The following MTMR3 variants were observed in gnomAD, a reference collection of about 807,000 sequenced individuals.
The protein encoded by MTMR3 is myotubularin related protein 3.
Under a neutral mutation model 132.4 loss-of-function variants are expected in MTMR3, and 32 were observed. That is an observed-to-expected ratio of 0.24 (90% CI 0.18 to 0.32). The LOEUF is 0.32. Ranked by LOEUF, MTMR3 falls within the 10% of genes least tolerant of loss-of-function variation. MTMR3 has a pLI of 1.00. For synonymous variants in MTMR3, 556 were observed against 550.3 expected (o/e 1.01, Z -0.14); for missense variants, 1,216 against 1,489.6 (o/e 0.82, Z 3.02).
At chr22:29,960,491 G>A (rs1233271646) in intron 2 of MTMR3, among the ~76,000 whole-genome samples, 1 of 152,198 alleles carries the variant, frequency 6.6e-6, no homozygotes, top group African/African-American at 2.4e-5. Context: ...AGGAGACAGT[G>A]TTGGAAACTG....
intron 2 of MTMR3, among the ~76,000 whole-genome samples, chr22:29,961,137 A>T (rs977611707): frequency 6.6e-6 from 1 of 150,814 alleles, no homozygotes; most frequent in African/African-American, 2.5e-5. Flanking sequence ...TTTTTTAAAT[A>T]GAAGAGTATG....
At chr22:29,926,138 G>A (rs1487278742) in intron 1 of MTMR3, among the ~76,000 whole-genome samples, 1 of 151,940 alleles carries the variant, frequency 6.6e-6, no homozygotes, top group Non-Finnish European at 1.5e-5. Flanking sequence ...AAATAGAACC[G>A]TACATGTGGC....
intron 1 of MTMR3, among the ~76,000 whole-genome samples, chr22:29,906,278 G>GTCTATCTATCTA (rs1473660646): frequency 1.0e-4 from 7 of 68,346 alleles, no homozygotes; most frequent in East Asian, 5.9e-4. Flanking sequence ...CTGTCTGTCT[G>GTCTATCTATCTA]TCTGTCTGTC....
intron 5 of MTMR3, chr22:29,987,654 T>C (rs2066884605): frequency 6.6e-6 from 1 of 152,232 alleles, no homozygotes; most frequent in Non-Finnish European, 1.5e-5. Context: ...TGGCACCCTG[T>C]CTAGATGCTT....
chr22:29,944,576 G>A (rs1022212355), intron 1 of MTMR3, among the ~76,000 whole-genome samples: 1 of 152,162 alleles, frequency 6.6e-6, no homozygotes, highest in Non-Finnish European at 1.5e-5. Context: ...TTATCCTCAG[G>A]ACATATGTAG....
intron 1 of MTMR3, among the ~76,000 whole-genome samples, chr22:29,930,258 T>A (rs1352750664): frequency 6.6e-6 from 1 of 152,218 alleles, no homozygotes; most frequent in Non-Finnish European, 1.5e-5. Flanking sequence ...GAATTCCAGG[T>A]ACCCTTTGGC....
At chr22:29,995,741 C>G (rs148578691) in intron 7 of MTMR3, 82 of 152,254 alleles carry the variant, frequency 5.4e-4, no homozygotes, top group African/African-American at 1.9e-3. Context: ...CCTGAGAATT[C>G]TGAGATGGAG....
chr22:29,892,429 G>A (rs763558668), intron 1 of MTMR3, among the ~76,000 whole-genome samples: 3 of 152,186 alleles, frequency 2.0e-5, no homozygotes, highest in East Asian at 1.9e-4. Flanking sequence ...TAGAGACTGA[G>A]TGAAGGTATG....
intron 1 of MTMR3, among the ~76,000 whole-genome samples, chr22:29,890,094 G>T (rs1224151881): frequency 2.0e-5 from 3 of 151,564 alleles, no homozygotes; most frequent in African/African-American, 7.3e-5. Flanking sequence ...TTTTAGTAGA[G>T]ACAGGGTTTC....
intron 1 of MTMR3, among the ~76,000 whole-genome samples, chr22:29,945,860 A>T (rs1478686688): frequency 6.6e-6 from 1 of 152,206 alleles, no homozygotes; most frequent in Non-Finnish European, 1.5e-5. Context: ...AAGCAGTCCC[A>T]ACTTGTTTAA....
chr22:29,928,203 G>A lies in MTMR3; in HGVS notation c.-137-28833G>A, dbSNP rs1157838135. 1.2e-4 allele frequency among the ~76,000 whole-genome samples: 14 copies of A among 113,236 alleles called. No homozygotes were observed. In the Admixed American group the frequency reaches 1.3e-3, roughly 11 times the overall value. The allele number at this position is 113,236 out of a possible 152,430, so 74.3% of individuals were successfully genotyped here. ...TTTTTTTTTTTTTAGACAAAGTCTT[G>A]CTCTTGTCCCCCAGGCTGGAGTACG... On this transcript the variant is annotated intron_variant, in intron 1 of 19. Coordinates refer to ENST00000401950, the MANE Select transcript of MTMR3 (RefSeq NM_021090.4).
chr22:30,023,057 T>A (rs2067806604), intron 19 of MTMR3: 1 of 391,008 alleles, frequency 2.6e-6, no homozygotes, highest in African/African-American at 2.0e-5. Context: ...GGGAGGGAAC[T>A]ATTTTCCTAT....
At chr22:29,959,441 C>G (rs182960173) in intron 2 of MTMR3, among the ~76,000 whole-genome samples, 1 of 152,042 alleles carries the variant, frequency 6.6e-6, no homozygotes, top group Non-Finnish European at 1.5e-5. Flanking sequence ...TGTGGTGGCG[C>G]GACCTCAGCT....
rs534075237 is a variant in MTMR3 at position 30,019,789 on chromosome 22, A to C, written c.2130A>C (p.Ala710=). The C allele has an allele frequency of 2.5e-6, 4 of 1,614,228 alleles. No homozygotes were observed. In the South Asian group the frequency reaches 4.4e-5, roughly 18 times the overall value. ...ESGVEEPAHR[A]GIEIQEGKED... is the part of the protein sequence containing the mutation. ...GAGTAGAGGAACCTGCCCACAGGGC[A>C]GGCATTGAGATACAGGAGGGTAAAG... The change falls in exon 17 of 20, where the codon GCA becomes GCC. Residue 710 remains alanine (A), a synonymous_variant. Transcript: ENST00000401950.
At chr22:30,013,225 AC>A in intron 13 of MTMR3, 130 bp from the exon 14 acceptor site, 1 of 830,030 alleles carries the variant, frequency 1.2e-6, no homozygotes, top group East Asian at 2.7e-5. Context: ...AGAGCCTTCC[AC>A]CAAAGGGCAA....
In MTMR3 at chr22:30,022,677, C is replaced by G; in HGVS notation, c.3405C>G (p.Ala1135=). Reference sequence around the variant, plus strand: ...CGTGCGACAGTGCCTTCTGGCTTGCCAGCAGGAAGCACCACTGCAGGTACC... The same window carrying G: ...CGTGCGACAGTGCCTTCTGGCTTGCGAGCAGGAAGCACCACTGCAGGTACC... The part of the protein sequence containing the change: ...CYACDSAFWL[A]SRKHHCRNCG... The change falls in exon 19 of 20, where the codon GCC becomes GCG. Residue 1135 remains alanine, a synonymous_variant. Transcript: ENST00000401950. 16 of 1,609,668 alleles carry G rather than the reference C, an allele frequency of 9.9e-6. No homozygotes were observed. Among genetic ancestry groups the G allele is most frequent in the Non-Finnish European group, 1.4e-5 (16 of 1,179,880 alleles).
intron 16 of MTMR3, 70 bp downstream of exon 16, chr22:30,018,142 G>A: frequency 6.8e-7 from 1 of 1,464,016 alleles, no homozygotes; most frequent in Non-Finnish European, 9.1e-7. Context: ...ACGTGTGCAG[G>A]GATGGTCAGA....
At chr22:29,971,267 G>A (rs1041498432) in intron 3 of MTMR3, among the ~76,000 whole-genome samples, 5 of 151,858 alleles carry the variant, frequency 3.3e-5, no homozygotes, top group Admixed American at 3.3e-4. Context: ...TTTCATTTCT[G>A]TTAACTTTAA....
At position 30,009,114 on chromosome 22, in the gene MTMR3, T is replaced by C. The variant is rs1457042577; in HGVS notation, c.1106T>C (p.Met369Thr). ...TCTCTGCGGTTGCTGTGCACTCAGATGCCAGATCCGGGAAAGTAAGTCCTT... is the reference window on the plus strand; with the variant it reads ...TCTCTGCGGTTGCTGTGCACTCAGACGCCAGATCCGGGAAAGTAAGTCCTT... ...FQSLRLLCTQMPDPGNWLSAL... is the reference protein window; with the variant it reads ...FQSLRLLCTQTPDPGNWLSAL... The change falls in exon 12 of 20, where the codon ATG becomes ACG. Residue 369 changes from methionine to threonine, a missense_variant. Coordinates refer to ENST00000401950, the MANE Select transcript of MTMR3 (RefSeq NM_021090.4). 1.2e-6 allele frequency: 2 copies of C among 1,609,526 alleles called. No individual in the cohort carries two copies. The highest frequency in any genetic ancestry group is 2.2e-5 in the South Asian group (2 of 90,970).
Sources: gnomAD v4.1 joint callset for allele counts (sites outside exome capture counted in the v4.1 genomes callset) on GRCh38, gnomAD v4.1.1 for gene constraint, MANE v1.5 for transcripts, NCBI Gene and HGNC (gene_info 2026-07-23, HGNC 2026-07-21) for gene names.